RABL2B: variants seen among roughly 807,000 people sequenced by gnomAD.
The protein encoded by RABL2B is RAB, member of RAS oncogene family like 2B.
A neutral mutation model predicts 26.7 loss-of-function variants in RABL2B; 17 were observed. That is an observed-to-expected ratio of 0.64 (90% CI 0.44 to 0.95). The LOEUF (loss-of-function observed/expected upper bound fraction) is 0.95. Ranked by LOEUF, RABL2B falls within the 40% of genes least tolerant of loss-of-function variation. The pLI is 0.00. For synonymous variants in RABL2B, 70 were observed against 103.9 expected (o/e 0.67, Z 1.99); for missense variants, 170 against 277.2 (o/e 0.61, Z 2.75).
At position 50,769,461 on chromosome 22, in the gene RABL2B, A is replaced by C. The variant is rs1555916472; in HGVS notation, c.501T>G (p.Val167=). The C allele has an allele frequency of 6.2e-7, 1 of 1,611,874 alleles. No homozygotes were observed. Among genetic ancestry groups the C allele is most frequent in the Non-Finnish European group, 8.5e-7 (1 of 1,179,200 alleles). Residue 167 remains valine (V), a synonymous_variant, in exon 7 of 9, where the codon GTT becomes GTG. Transcript: ENST00000691320. ...YFVSAADGTN[V]VKLFNDAIRL... The stretch of plus-strand genomic sequence containing the variant: ...CCTCTGCAGTCAACCACACCTTCAC[A>C]ACATTGGTACCATCAGCAGCCGAGA...
intron 4 of RABL2B, 23 bp from the exon 5 acceptor site, chr22:50,775,874 C>T (rs1555923479): frequency 1.9e-6 from 3 of 1,614,198 alleles, no homozygotes; most frequent in South Asian, 2.2e-5. Context: ...CACAGACAGA[C>T]CTACATGCCT....
chr22:50,780,361 C>CT (rs1555927658), intron 2 of RABL2B, among the ~76,000 whole-genome samples: 1 of 151,294 alleles, frequency 6.6e-6, no homozygotes, highest in African/African-American at 2.4e-5. Context: ...CCGTGTACAA[C>CT]TGACGCCCTT....
chr22:50,768,715 GGA>G lies in RABL2B; in HGVS notation c.*59_*60del. On this transcript the variant is annotated 3_prime_UTR_variant, in exon 9 of 9. Coordinates refer to ENST00000691320, the MANE Select transcript of RABL2B (RefSeq NM_001130919.3). ...CTAGAGAGTTTCTCCATTCAGAGCT[GGA>G]GAGTTGTTGAAGGGAAGGGTATTTT... is the stretch of plus-strand genomic sequence containing the variant. 1 of 1,522,100 alleles carries G rather than the reference GGA, an allele frequency of 6.6e-7. No homozygotes were observed. Among genetic ancestry groups the G allele is most frequent in the South Asian group, 1.3e-5 (1 of 75,474 alleles). 94.3% of individuals were successfully genotyped at this position (1,522,100 alleles called of 1,614,324 possible).
intron 5 of RABL2B, chr22:50,771,917 A>C (rs1300937700): frequency 6.6e-6 from 1 of 152,038 alleles, no homozygotes; most frequent in Non-Finnish European, 1.5e-5. Context: ...GCCTCTTTAA[A>C]TTTTTTTAAA....
chr22:50,775,872 G>A lies in RABL2B; in HGVS notation c.218-21C>T, dbSNP rs1303446931. 3 of 1,614,076 alleles carry A rather than the reference G, an allele frequency of 1.9e-6. No individual in the cohort carries two copies. In the African/African-American group the frequency reaches 4.0e-5, roughly 22 times the overall value. ...AAAGTCTGCAATGTGAACACAGACA[G>A]ACCTACATGCCTGGTGCACTTCTGT... is the stretch of plus-strand genomic sequence containing the variant. On this transcript the variant is annotated intron_variant, in intron 4 of 8. Transcript: ENST00000691320.
At chr22:50,774,698 C>T (rs1490462978) in intron 5 of RABL2B, among the ~76,000 whole-genome samples, 1 of 150,836 alleles carries the variant, frequency 6.6e-6, no homozygotes, top group Non-Finnish European at 1.5e-5. Flanking sequence ...CCAAGGTTTT[C>T]ACTTGGTGAC....
chr22:50,778,075 C>T, intron 2 of RABL2B, 94 bp from the exon 3 acceptor site: 1 of 1,547,172 alleles, frequency 6.5e-7, no homozygotes, highest in Non-Finnish European at 8.9e-7. Context: ...TGGAAGCCAC[C>T]TGTGGCTTCC....
At chr22:50,778,163 T>C (rs1434816397) in intron 2 of RABL2B, among the ~76,000 whole-genome samples, 182 bp from the exon 3 acceptor site, 2 of 151,780 alleles carry the variant, frequency 1.3e-5, no homozygotes, top group Non-Finnish European at 2.9e-5. Context: ...CAACCCGTCA[T>C]AACAAAACAG....
rs1555915873 is a variant in RABL2B at position 50,768,816 on chromosome 22, A to T, written c.650T>A (p.Ile217Asn). 2 of 1,613,632 alleles carry T rather than the reference A, an allele frequency of 1.2e-6. No homozygotes were observed. Among genetic ancestry groups the T allele is most frequent in the Non-Finnish European group, 1.7e-6 (2 of 1,179,798 alleles). ...GGCCGCCTCCTCTGATGGGGTCTCG[A>T]TGCTGCTGCTCTGTTCCTGGTCTGG... ...DVPDQEQSSS[I>N]ETPSEEAASP... Residue 217 changes from isoleucine (I) to asparagine (N), a missense_variant, in exon 9 of 9, where the codon ATC becomes AAC. Transcript: ENST00000691320.
intron 2 of RABL2B, among the ~76,000 whole-genome samples, chr22:50,778,462 G>A (rs9616972): frequency 0.16 from 24,438 of 148,794 alleles, 2,430 homozygotes; most frequent in African/African-American, 0.29. Context: ...ACACGCCTGT[G>A]ATCCCAGCTA....
Position 50,776,744 on chromosome 22 carries a change from G to T in RABL2B, c.143C>A (p.Pro48Gln). The T allele has an allele frequency of 6.2e-7, 1 of 1,608,544 alleles. No homozygotes were observed. Residue 48 changes from proline (P) to glutamine (Q), a missense_variant, in exon 4 of 9, where the codon CCA (proline) becomes CAA (glutamine). Pro to Gln is a moderately conservative substitution (Grantham distance 76). Around this residue, in one of 2 missense-constraint regions of RABL2B, gnomAD observed 165 missense variants for 232.0 expected, o/e 0.71. Transcript: ENST00000691320. Reference sequence around the variant, plus strand: ...CAGGGCGTACGTGGACAGCTGCTGTGGCTGACTGCACTCAGGTTAAGGAGC... The same window carrying T: ...CAGGGCGTACGTGGACAGCTGCTGTTGCTGACTGCACTCAGGTTAAGGAGC... ...MERFLMDGFQ[P>Q]QQLSTYALTL...
rs782417418 is a variant in RABL2B at position 50,769,927 on chromosome 22, G to A, written c.387C>T (p.Ile129=). The A allele has an allele frequency of 9.9e-6, 16 of 1,613,540 alleles. No individual in the cohort carries two copies. Among genetic ancestry groups the A allele is most frequent in the African/African-American group, 8.0e-5 (6 of 74,792 alleles). The part of the protein sequence containing the change: ...LREFRPEIPC[I]VVANKIDADI... ...CACCATCAATTTTATTGGCCACCAC[G>A]ATGCATGGGATCTCTGGCCTGAACT... The change falls in exon 6 of 9, where the codon ATC becomes ATT. Residue 129 remains isoleucine, a synonymous_variant. Coordinates refer to ENST00000691320, the MANE Select transcript of RABL2B (RefSeq NM_001130919.3).
rs2083605484 is a variant in RABL2B, at chr22:50,767,666, C to T, written c.*1110G>A. ...GGCATATCTGCTAGCTCTCCTCTTG[C>T]AGTCCTCAGCCTCCCACAGGAGGCA... On this transcript the variant is annotated 3_prime_UTR_variant, in exon 9 of 9. Coordinates refer to ENST00000691320, the MANE Select transcript of RABL2B (RefSeq NM_001130919.3). 2 of 425,168 alleles carry T rather than the reference C, an allele frequency of 4.7e-6. No individual in the cohort carries two copies. The highest frequency in any genetic ancestry group is 1.7e-5 in the South Asian group (1 of 59,596). The allele number at this position is 425,168 out of a possible 1,614,324, so 26.3% of individuals were successfully genotyped here. A position where few individuals can be genotyped will look rare whatever the true frequency, so the allele number is the denominator to read the frequency against.
intron 5 of RABL2B, 98 bp from the exon 6 acceptor site, chr22:50,770,114 C>T: frequency 6.3e-7 from 1 of 1,590,826 alleles, no homozygotes; most frequent in Non-Finnish European, 8.6e-7. Context: ...AGCACGAGCA[C>T]ATGGTGCTGT....
chr22:50,773,063 G>A, intron 5 of RABL2B: 1 of 1,253,972 alleles, frequency 8.0e-7, no homozygotes, highest in Non-Finnish European at 1.1e-6. Context: ...TTCAGAAGAG[G>A]GTCTGAGGGG....
intron 2 of RABL2B, among the ~76,000 whole-genome samples, chr22:50,780,235 GAA>G (rs574044803): frequency 1.5e-5 from 2 of 135,330 alleles, no homozygotes; most frequent in Non-Finnish European, 3.2e-5. Context: ...TGCTGCATGA[GAA>G]AAAAAAAAAA....
At chr22:50,775,956 C>G (rs2084921280) in intron 4 of RABL2B, 105 bp from the exon 5 acceptor site, 3 of 1,065,596 alleles carry the variant, frequency 2.8e-6, no homozygotes, top group Non-Finnish European at 4.3e-6. Context: ...TGTGAGTGTA[C>G]ATGGGGAGCA....
At chr22:50,770,833 T>C (rs2084033406) in intron 5 of RABL2B, among the ~76,000 whole-genome samples, 1 of 151,278 alleles carries the variant, frequency 6.6e-6, no homozygotes, top group Admixed American at 6.6e-5. Flanking sequence ...CACTGTAACC[T>C]CAAAACTCCT....
chr22:50,773,914 A>C (rs1555921066), intron 5 of RABL2B, among the ~76,000 whole-genome samples: 1 of 151,252 alleles, frequency 6.6e-6, no homozygotes, highest in Non-Finnish European at 1.5e-5. Context: ...TTTTTTTTTG[A>C]GACGGAGTCT....
Sources: gnomAD v4.1 joint callset for allele counts (sites outside exome capture counted in the v4.1 genomes callset) on GRCh38, gnomAD v4.1.1 for gene constraint, gnomAD v4.1.1 regional missense constraint, MANE v1.5 for transcripts, NCBI Gene and HGNC (gene_info 2026-07-23, HGNC 2026-07-21) for gene names.